The following SDK1 variants were observed in gnomAD, a reference collection of about 807,000 sequenced individuals.
SDK1 encodes the protein protein sidekick-1.
In SDK1, 157 loss-of-function variants were observed where a neutral mutation model predicts 245.5. The observed-to-expected ratio is 0.64, with a 90% CI of 0.56 to 0.73. SDK1 has a LOEUF of 0.73. Ranked by LOEUF, SDK1 falls within the 30% of genes least tolerant of loss-of-function variation. The probability of loss-of-function intolerance (pLI) is 0.00; values close to 1 mark genes in which losing one functional copy is unlikely to be tolerated. For missense variants in SDK1, 3,583 were observed against 3,002.3 expected, an observed-to-expected ratio of 1.19 and a Z score of -4.52; for synonymous variants, 1,647 against 1,278.5, an observed-to-expected ratio of 1.29 and a Z score of -6.15.
chr7:3,587,962 T>C (rs577460711), intron 1 of SDK1, among the ~76,000 whole-genome samples: 3 of 152,380 alleles, frequency 2.0e-5, no homozygotes, highest in African/African-American at 7.2e-5. Context: ...AATAGACTTA[T>C]GTCTATGCCA....
chr7:3,605,905 T>C (rs1382567517), intron 1 of SDK1, among the ~76,000 whole-genome samples: 5 of 152,176 alleles, frequency 3.3e-5, no homozygotes, highest in Admixed American at 1.3e-4. Context: ...TTTTTTTTAA[T>C]TGATGATTTT....
chr7:4,228,888 C>A (rs548747082), intron 40 of SDK1, among the ~76,000 whole-genome samples: 1 of 152,100 alleles, frequency 6.6e-6, no homozygotes, highest in Non-Finnish European at 1.5e-5. Context: ...GAAGAGAAAC[C>A]AGGCTGGCTC....
chr7:3,802,716 C>A (rs969189888), intron 4 of SDK1, among the ~76,000 whole-genome samples: 2 of 152,122 alleles, frequency 1.3e-5, no homozygotes, highest in African/African-American at 4.8e-5. Context: ...CATTAGGTGA[C>A]CTTTTGGGAT....
intron 38 of SDK1, among the ~76,000 whole-genome samples, chr7:4,214,852 C>G (rs1265902038): frequency 1.3e-5 from 2 of 152,242 alleles, no homozygotes; most frequent in Non-Finnish European, 2.9e-5. Flanking sequence ...CGGGGTCTTT[C>G]CCGCCACAAC....
chr7:3,920,732 A>C (rs549101848), intron 5 of SDK1, among the ~76,000 whole-genome samples: 41 of 151,632 alleles, frequency 2.7e-4, no homozygotes, highest in Admixed American at 4.6e-4. Flanking sequence ...AAGATGACCC[A>C]GGGTAAAGGG....
intron 4 of SDK1, among the ~76,000 whole-genome samples, chr7:3,672,261 T>G (rs965011701): frequency 3.9e-5 from 6 of 152,060 alleles, no homozygotes; most frequent in Non-Finnish European, 8.8e-5. Context: ...CCATCCTGTT[T>G]CTGTAGTGCC....
At chr7:3,833,810 A>G (rs542564222) in intron 5 of SDK1, among the ~76,000 whole-genome samples, 23 of 152,350 alleles carry the variant, frequency 1.5e-4, no homozygotes, top group African/African-American at 2.4e-4. Context: ...TGTAAAAACC[A>G]TGACAGCATG....
intron 5 of SDK1, among the ~76,000 whole-genome samples, chr7:3,922,709 G>A (rs767173718): frequency 1.3e-5 from 2 of 152,178 alleles, no homozygotes; most frequent in African/African-American, 2.4e-5. Context: ...CTTACAAAGC[G>A]TGCACGTTTT....
intron 10 of SDK1, 89 bp from the exon 11 acceptor site, chr7:3,969,168 C>T (rs1308114743): frequency 3.3e-6 from 4 of 1,227,276 alleles, no homozygotes; most frequent in African/African-American, 1.6e-5. Flanking sequence ...GGAGCCGAAC[C>T]ATATTACTTG....
intron 4 of SDK1, among the ~76,000 whole-genome samples, chr7:3,670,355 T>G (rs926974847): frequency 6.6e-6 from 1 of 152,218 alleles, no homozygotes; most frequent in African/African-American, 2.4e-5. Flanking sequence ...CACAGCCACT[T>G]TGGTATATTG....
At chr7:3,868,038 A>G (rs1780864459) in intron 5 of SDK1, among the ~76,000 whole-genome samples, 1 of 152,004 alleles carries the variant, frequency 6.6e-6, no homozygotes, top group Non-Finnish European at 1.5e-5. Flanking sequence ...TTTTTGTTTG[A>G]ATGTTTCACG....
intron 1 of SDK1, among the ~76,000 whole-genome samples, chr7:3,584,300 T>C (rs1365772665): frequency 6.6e-6 from 1 of 152,134 alleles, no homozygotes. Context: ...ATGCACCTCT[T>C]TGGATTTCCT....
rs978299615 is a variant in SDK1, at chr7:3,345,564, T to A, written c.298+43680T>A. On this transcript the variant is annotated intron_variant, in intron 1 of 44. Transcript: ENST00000404826. Reference sequence around the variant, plus strand: ...CCCCACCATTCAATAACATGAGTTATCTTTTTTTCCAGGAAATTATTTCTG... The same window carrying A: ...CCCCACCATTCAATAACATGAGTTAACTTTTTTTCCAGGAAATTATTTCTG... Among the ~76,000 whole-genome samples the A allele has an allele frequency of 2.0e-5, 3 of 152,200 alleles. No homozygotes were observed. In the South Asian group the frequency reaches 6.2e-4, roughly 32 times the overall value.
intron 4 of SDK1, among the ~76,000 whole-genome samples, chr7:3,780,620 G>A (rs540067766): frequency 6.6e-6 from 1 of 152,284 alleles, no homozygotes; most frequent in Non-Finnish European, 1.5e-5. Context: ...AGCCTGCACA[G>A]GCAGGAAGAC....
intron 5 of SDK1, among the ~76,000 whole-genome samples, chr7:3,918,241 G>A (rs921326805): frequency 6.6e-6 from 1 of 152,166 alleles, no homozygotes; most frequent in Admixed American, 6.5e-5. Flanking sequence ...GACTGGTATC[G>A]GTCCATGGCC....
At chr7:3,799,934 A>G (rs1779065174) in intron 4 of SDK1, among the ~76,000 whole-genome samples, 1 of 152,010 alleles carries the variant, frequency 6.6e-6, no homozygotes, top group Non-Finnish European at 1.5e-5. Context: ...TCCTGGGTGA[A>G]GTTTTGGGTC....
chr7:3,835,610 A>G (rs891932823), intron 5 of SDK1, among the ~76,000 whole-genome samples: 2 of 152,186 alleles, frequency 1.3e-5, no homozygotes, highest in Non-Finnish European at 1.5e-5. Flanking sequence ...CTCTTAGCAT[A>G]AGTCCCTGCT....
chr7:4,233,634 G>C (rs544352017), intron 41 of SDK1, among the ~76,000 whole-genome samples: 2 of 152,286 alleles, frequency 1.3e-5, no homozygotes, highest in Non-Finnish European at 2.9e-5. Context: ...AAGGACGGGA[G>C]AGAGAAATGA....
chr7:3,823,770 G>C lies in SDK1; in HGVS notation c.847+2187G>C, dbSNP rs75835017. On this transcript the variant is annotated intron_variant, in intron 5 of 44. Transcript: ENST00000404826. ...GATATGGACTTATTTTAAATCTTAG[G>C]ACAAAACCTACATTTTGTTCCTTTA... Among the ~76,000 whole-genome samples, 699 of 152,166 alleles carry C rather than the reference G, an allele frequency of 4.6e-3. 7 individuals are homozygous for C. The highest frequency in any genetic ancestry group is 0.016 in the African/African-American group (655 of 41,510).
Sources: gnomAD v4.1 joint callset for allele counts (sites outside exome capture counted in the v4.1 genomes callset) on GRCh38, gnomAD v4.1.1 for gene constraint, MANE v1.5 for transcripts, NCBI Gene and HGNC (gene_info 2026-07-23, HGNC 2026-07-21) for gene names.